Variants in FRS2 observed in about 807,000 individuals in gnomAD.
FRS2 encodes the protein FGFR signalling adaptor.
A neutral mutation model predicts 43.9 loss-of-function variants in FRS2; 8 were observed. The observed-to-expected ratio is 0.18, with a 90% CI of 0.11 to 0.33. The LOEUF (loss-of-function observed/expected upper bound fraction) is 0.33, where lower values mean the gene tolerates loss of function less well. FRS2 is among the 10% of genes least tolerant of loss of function. The probability of loss-of-function intolerance (pLI) is 1.00; values close to 1 mark genes in which losing one functional copy is unlikely to be tolerated. For missense variants in FRS2, 534 were observed against 627.6 expected (o/e 0.85, Z 1.59); for synonymous variants, 219 against 220.3 (o/e 0.99, Z 0.05).
intron 1 of FRS2, among the ~76,000 whole-genome samples, chr12:69,486,898 G>A (rs1872005798): frequency 6.6e-6 from 1 of 152,210 alleles, no homozygotes; most frequent in Non-Finnish European, 1.5e-5. Flanking sequence ...CAGAAAAAAG[G>A]TTTGAAGCCA....
intron 4 of FRS2, among the ~76,000 whole-genome samples, chr12:69,568,603 C>G (rs1014807416): frequency 1.3e-5 from 2 of 151,990 alleles, no homozygotes; most frequent in Non-Finnish European, 2.9e-5. Context: ...CTCTCTGTCT[C>G]TCTCTCTCTC....
intron 3 of FRS2, among the ~76,000 whole-genome samples, chr12:69,541,684 A>T (rs565931194): frequency 2.0e-5 from 3 of 151,980 alleles, no homozygotes; most frequent in African/African-American, 7.2e-5. Context: ...AATTAGCCAC[A>T]TGCGGTGGCA....
intron 1 of FRS2, among the ~76,000 whole-genome samples, chr12:69,502,112 C>T (rs546360543): frequency 1.3e-5 from 2 of 152,150 alleles, no homozygotes; most frequent in South Asian, 4.1e-4. Context: ...TTTATAGGCA[C>T]CTGCCACCAC....
chr12:69,482,538 G>T (rs1353884147), intron 1 of FRS2, among the ~76,000 whole-genome samples: 1 of 152,114 alleles, frequency 6.6e-6, no homozygotes, highest in Admixed American at 6.5e-5. Flanking sequence ...TAGTTATTGG[G>T]AGCCTACTAT....
rs2135822074 is a variant in FRS2 at position 69,574,163 on chromosome 12, A to C, written c.735A>C (p.Glu245Asp). 6.2e-7 allele frequency: 1 copy of C among 1,614,206 alleles called. No homozygotes were observed. The highest frequency in any genetic ancestry group is 8.5e-7 in the Non-Finnish European group (1 of 1,180,014). The change falls in exon 9 of 9, where the codon GAA becomes GAC. Residue 245 changes from glutamate to aspartate, a missense_variant. By Grantham distance (45) the Glu-to-Asp change is conservative. Coordinates refer to ENST00000549921, the MANE Select transcript of FRS2 (RefSeq NM_001278356.2). ...IEDRDPQILL[E>D]PEGVKFVLGP... ...ACAGGGATCCTCAGATTCTTCTTGA[A>C]CCTGAAGGAGTCAAATTTGTTTTAG...
Position 69,575,737 on chromosome 12 carries a change from A to G in FRS2, c.*782A>G, listed in dbSNP as rs1003185323. Reference sequence around the variant, plus strand: ...ACAATCTCCTGAAAGTTTTTCTCCTATAGATTGTTGACAACACATTGTTTT... The same window carrying G: ...ACAATCTCCTGAAAGTTTTTCTCCTGTAGATTGTTGACAACACATTGTTTT... On this transcript the variant is annotated 3_prime_UTR_variant, in exon 9 of 9. Coordinates refer to ENST00000549921, the MANE Select transcript of FRS2 (RefSeq NM_001278356.2). The G allele has an allele frequency of 3.3e-5, 5 of 152,626 alleles. No homozygotes were observed. The highest frequency in any genetic ancestry group is 7.2e-5 in the African/African-American group (3 of 41,444). The allele number at this position is 152,626 out of a possible 1,614,324, so 9.5% of individuals were successfully genotyped here.
At chr12:69,488,516 C>T (rs1872163218) in intron 1 of FRS2, among the ~76,000 whole-genome samples, 1 of 152,102 alleles carries the variant, frequency 6.6e-6, no homozygotes, top group African/African-American at 2.4e-5. Context: ...TTTGTTTGCC[C>T]TGGGAAACCA....
chr12:69,493,678 G>A (rs1471427294), intron 1 of FRS2, among the ~76,000 whole-genome samples: 1 of 152,128 alleles, frequency 6.6e-6, no homozygotes, highest in Non-Finnish European at 1.5e-5. Context: ...CCGAGATCGC[G>A]CCATTGCACT....
intron 3 of FRS2, among the ~76,000 whole-genome samples, chr12:69,553,413 T>TA (rs1364031115): frequency 2.7e-4 from 41 of 152,198 alleles, no homozygotes; most frequent in Non-Finnish European, 2.9e-5. Context: ...CTATGTCAGT[T>TA]ACGCTGATTA....
At chr12:69,517,009 C>G (rs1875119559) in intron 1 of FRS2, among the ~76,000 whole-genome samples, 1 of 152,160 alleles carries the variant, frequency 6.6e-6, no homozygotes, top group South Asian at 2.1e-4. Context: ...CAACATGATG[C>G]TACAGTGAAA....
chr12:69,487,128 A>G (rs1182517621), intron 1 of FRS2, among the ~76,000 whole-genome samples: 1 of 152,360 alleles, frequency 6.6e-6, no homozygotes, highest in South Asian at 2.1e-4. Context: ...TATGCACCAG[A>G]ACCATAGGCC....
intron 3 of FRS2, among the ~76,000 whole-genome samples, chr12:69,534,523 A>G (rs1474963113): frequency 1.3e-5 from 2 of 152,234 alleles, no homozygotes; most frequent in East Asian, 3.8e-4. Flanking sequence ...TTCCCTGCCA[A>G]GAAGTACTGA....
rs1593067609 is a variant in FRS2 at position 69,567,893 on chromosome 12, CG to C, written c.-26-1110del. Among the ~76,000 whole-genome samples, 3 of 152,132 alleles carry C rather than the reference CG, an allele frequency of 2.0e-5. No individual in the cohort carries two copies. The East Asian group carries it at 5.8e-4, about 29-fold the overall frequency. Reference sequence around the variant, plus strand: ...AGACAGGGATTACATTGTATCTGATCGGATCTATCATACTGAAGAGTTTATA... The same window carrying C: ...AGACAGGGATTACATTGTATCTGATCGATCTATCATACTGAAGAGTTTATA... On this transcript the variant is annotated intron_variant, in intron 4 of 8. Coordinates refer to ENST00000549921, the MANE Select transcript of FRS2 (RefSeq NM_001278356.2).
At chr12:69,499,177 G>A (rs1873204168) in intron 1 of FRS2, among the ~76,000 whole-genome samples, 1 of 152,136 alleles carries the variant, frequency 6.6e-6, no homozygotes. Flanking sequence ...AAAGATTGTT[G>A]ACTAGAAGTG....
At chr12:69,563,037 T>A (rs1056895826) in intron 4 of FRS2, among the ~76,000 whole-genome samples, 5 of 152,208 alleles carry the variant, frequency 3.3e-5, no homozygotes, top group African/African-American at 4.8e-5. Context: ...TGTATGTTGC[T>A]GTCTTGAGTG....
chr12:69,501,648 T>C (rs149043936), intron 1 of FRS2, among the ~76,000 whole-genome samples: 1 of 152,326 alleles, frequency 6.6e-6, no homozygotes, highest in East Asian at 1.9e-4. Context: ...TGTAGAAATA[T>C]GCTCCACTGC....
At chr12:69,517,380 C>T (rs896418735) in intron 1 of FRS2, among the ~76,000 whole-genome samples, 4 of 152,088 alleles carry the variant, frequency 2.6e-5, no homozygotes, top group African/African-American at 9.7e-5. Context: ...TATGTATATG[C>T]AGATATTCCA....
chr12:69,511,888 C>G (rs1003341710), intron 1 of FRS2, among the ~76,000 whole-genome samples: 10 of 152,246 alleles, frequency 6.6e-5, no homozygotes, highest in African/African-American at 2.2e-4. Context: ...TCTTATTGTT[C>G]CTGTTTTTCT....
At chr12:69,534,323 C>T (rs368486722) in intron 3 of FRS2, among the ~76,000 whole-genome samples, 2 of 152,236 alleles carry the variant, frequency 1.3e-5, no homozygotes, top group African/African-American at 4.8e-5. Flanking sequence ...TCCTTATTAG[C>T]TGGCTTGATT....
Sources: gnomAD v4.1 joint callset for allele counts (sites outside exome capture counted in the v4.1 genomes callset) on GRCh38, gnomAD v4.1.1 for gene constraint, MANE v1.5 for transcripts, NCBI Gene and HGNC (gene_info 2026-07-23, HGNC 2026-07-21) for gene names.